Variants in CECR2 observed in about 807,000 individuals in gnomAD.
CECR2 encodes CECR2 histone acetyl-lysine reader, also known as chromatin remodeling regulator CECR2.
In CECR2, 30 loss-of-function variants were observed where a neutral mutation model predicts 154.5. The ratio of observed to expected loss-of-function variants is 0.19; its 90% CI spans 0.15 to 0.26. The LOEUF (loss-of-function observed/expected upper bound fraction) is 0.26. Among genes scored for constraint, CECR2 ranks in the 10% least tolerant of loss-of-function variants. The pLI is 1.00. For synonymous variants in CECR2, 725 were observed against 683.7 expected, an observed-to-expected ratio of 1.06 and a Z score of -0.94; for missense variants, 1,743 against 1,829.3, an observed-to-expected ratio of 0.95 and a Z score of 0.86.
chr22:17,539,214 A>G, intron 13 of CECR2, 95 bp downstream of exon 13: 1 of 1,367,488 alleles, frequency 7.3e-7, no homozygotes, highest in Non-Finnish European at 1.0e-6. Flanking sequence ...CCTTTTCTGT[A>G]GGACAGTGAA....
chr22:17,432,471 A>G (rs953030537), intron 1 of CECR2, among the ~76,000 whole-genome samples: 8 of 151,820 alleles, frequency 5.3e-5, no homozygotes, highest in African/African-American at 1.2e-4. Context: ...CTAGGTTTTT[A>G]TTTCTCTTGG....
At chr22:17,456,261 C>A (rs2054852643) in intron 1 of CECR2, among the ~76,000 whole-genome samples, 1 of 152,170 alleles carries the variant, frequency 6.6e-6, no homozygotes, top group South Asian at 2.1e-4. Flanking sequence ...TTTATTTAAT[C>A]CCAACATCAT....
chr22:17,446,854 C>A (rs2054674248), intron 1 of CECR2, among the ~76,000 whole-genome samples: 2 of 152,050 alleles, frequency 1.3e-5, no homozygotes, highest in African/African-American at 4.8e-5. Context: ...AGCTTTATTC[C>A]CTTATTTGGC....
intron 1 of CECR2, among the ~76,000 whole-genome samples, chr22:17,429,380 G>A (rs1358669938): frequency 2.0e-5 from 3 of 151,970 alleles, no homozygotes; most frequent in Non-Finnish European, 4.4e-5. Context: ...GACAGGAGGT[G>A]AGGATTTGAG....
intron 1 of CECR2, among the ~76,000 whole-genome samples, chr22:17,473,022 T>C (rs1047629286): frequency 6.6e-6 from 1 of 152,116 alleles, no homozygotes; most frequent in African/African-American, 2.4e-5. Flanking sequence ...TGAGTTGTTT[T>C]CCCAGCAGCC....
At chr22:17,405,219 G>T (rs975766080) in intron 1 of CECR2, among the ~76,000 whole-genome samples, 3 of 152,050 alleles carry the variant, frequency 2.0e-5, no homozygotes, top group African/African-American at 4.8e-5. Flanking sequence ...AGACCAGCCT[G>T]GCCAACATAG....
At position 17,403,374 on chromosome 22, in the gene CECR2, A is replaced by G. The variant is rs1001754926; in HGVS notation, c.126+33465A>G. On this transcript the variant is annotated intron_variant, in intron 1 of 18. Transcript: ENST00000262608. Reference sequence around the variant, plus strand: ...GTTTTTGTTTGGGGCTATTATAGATAATAGCTGCACGTATTTGCTTGTAAG... The same window carrying G: ...GTTTTTGTTTGGGGCTATTATAGATGATAGCTGCACGTATTTGCTTGTAAG... Among the ~76,000 whole-genome samples, 23 of 152,194 alleles carry G rather than the reference A, an allele frequency of 1.5e-4. 1 individual carries two copies. The highest frequency in any genetic ancestry group is 5.3e-4 in the African/African-American group (22 of 41,452).
intron 1 of CECR2, among the ~76,000 whole-genome samples, chr22:17,448,311 TATAA>T (rs1266819863): frequency 1.1e-4 from 16 of 152,224 alleles, no homozygotes; most frequent in East Asian, 1.9e-4. Context: ...GATTAGTTGA[TATAA>T]ATAGTCTAGT....
chr22:17,392,236 CAT>C (rs761809268), intron 1 of CECR2, among the ~76,000 whole-genome samples: 2 of 152,066 alleles, frequency 1.3e-5, no homozygotes, highest in Non-Finnish European at 2.9e-5. Context: ...AGCCTGGGAA[CAT>C]AGTAAGACCG....
At chr22:17,458,636 G>A in intron 1 of CECR2, among the ~76,000 whole-genome samples, 1 of 152,116 alleles carries the variant, frequency 6.6e-6, no homozygotes, top group South Asian at 2.1e-4. Context: ...CAAGTAAAAA[G>A]TGTTATTTTT....
chr22:17,464,760 C>CA (rs1263392912), intron 1 of CECR2, among the ~76,000 whole-genome samples: 1 of 152,108 alleles, frequency 6.6e-6, no homozygotes, highest in Non-Finnish European at 1.5e-5. Flanking sequence ...TTCAGTCCCC[C>CA]AAAGCACTAG....
intron 8 of CECR2, among the ~76,000 whole-genome samples, chr22:17,522,440 A>T (rs76214896): frequency 0.017 from 2,664 of 152,258 alleles, 84 homozygotes; most frequent in African/African-American, 0.06. Context: ...CCAGAGTTGC[A>T]GTCTTCGGGA....
At chr22:17,489,989 C>T (rs939538398) in intron 2 of CECR2, among the ~76,000 whole-genome samples, 11 of 151,588 alleles carry the variant, frequency 7.3e-5, no homozygotes, top group Admixed American at 1.3e-4. Context: ...TTCCTTCTAA[C>T]CCATAGTTGG....
chr22:17,426,604 G>A (rs550760182), intron 1 of CECR2, among the ~76,000 whole-genome samples: 35 of 152,310 alleles, frequency 2.3e-4, no homozygotes, highest in Non-Finnish European at 4.7e-4. Flanking sequence ...TGATCCGCCC[G>A]CCTCAGCCTC....
intron 1 of CECR2, among the ~76,000 whole-genome samples, chr22:17,415,675 G>C (rs867566035): frequency 1.3e-5 from 2 of 152,236 alleles, no homozygotes; most frequent in Middle Eastern, 3.5e-3. Flanking sequence ...GGCCTGGGTG[G>C]ATCAGGACTT....
chr22:17,522,433 G>A (rs1231119246), intron 8 of CECR2, among the ~76,000 whole-genome samples: 2 of 152,194 alleles, frequency 1.3e-5, no homozygotes, highest in African/African-American at 4.8e-5. Context: ...GCAGTGGCCA[G>A]AGTTGCAGTC....
At position 17,419,546 on chromosome 22, in the gene CECR2, A is replaced by AGAG. The variant is rs202213584; in HGVS notation, c.126+49655_126+49657dup. On this transcript the variant is annotated intron_variant, in intron 1 of 18. Transcript: ENST00000262608. ...AAGAAGAAGAGGAAGAGGAAGAGGA[A>AGAG]GAGGAGGAGGAGGAGGAGGAAGAAA... 264 of 196,554 alleles carry AGAG rather than the reference A, an allele frequency of 1.3e-3. 1 individual carries two copies. The highest frequency in any genetic ancestry group is 0.011 in the African/African-American group (230 of 20,170). The allele number at this position is 196,554 out of a possible 1,614,324, so 12.2% of individuals were successfully genotyped here. A position where few individuals can be genotyped will look rare whatever the true frequency, so the allele number is the denominator to read the frequency against.
chr22:17,541,343 G>A (rs1351048794), intron 14 of CECR2, among the ~76,000 whole-genome samples: 2 of 152,152 alleles, frequency 1.3e-5, no homozygotes, highest in African/African-American at 4.8e-5. Context: ...TACTCAGGAG[G>A]CTGAGGCAAA....
At chr22:17,370,700 C>T (rs1356158113) in intron 1 of CECR2, among the ~76,000 whole-genome samples, 1 of 152,206 alleles carries the variant, frequency 6.6e-6, no homozygotes, top group Non-Finnish European at 1.5e-5. Context: ...TTTGTGATAA[C>T]TGGGCCGAAA....
Sources: gnomAD v4.1 joint callset for allele counts (sites outside exome capture counted in the v4.1 genomes callset) on GRCh38, gnomAD v4.1.1 for gene constraint, MANE v1.5 for transcripts, NCBI Gene and HGNC (gene_info 2026-07-23, HGNC 2026-07-21) for gene names.